IPCEF1: variants seen among roughly 807,000 people sequenced by gnomAD.
IPCEF1 encodes interactor protein for cytohesin exchange factors 1.
Under a neutral mutation model 50.9 loss-of-function variants are expected in IPCEF1, and 31 were observed. The ratio of observed to expected loss-of-function variants is 0.61; its 90% CI spans 0.46 to 0.82. The LOEUF is 0.82. Ranked by LOEUF, IPCEF1 falls within the 40% of genes least tolerant of loss-of-function variation. The pLI is 0.00. For missense variants in IPCEF1, 458 were observed against 514.0 expected, an observed-to-expected ratio of 0.89 and a Z score of 1.05; for synonymous variants, 181 against 192.0, an observed-to-expected ratio of 0.94 and a Z score of 0.47.
chr6:154,248,338 T>TGTGTGTGTGTAG (rs1554298775), intron 3 of IPCEF1, among the ~76,000 whole-genome samples: 1 of 148,994 alleles, frequency 6.7e-6, no homozygotes, highest in Non-Finnish European at 1.5e-5. Flanking sequence ...TGTGTGTGTG[T>TGTGTGTGTGTAG]AGAGAGAGAG....
chr6:154,339,763 T>A (rs1471408272), intron 1 of IPCEF1, among the ~76,000 whole-genome samples: 3 of 152,038 alleles, frequency 2.0e-5, no homozygotes, highest in Non-Finnish European at 4.4e-5. Flanking sequence ...CAGCTAATTT[T>A]AAAAAATATT....
chr6:154,235,055 A>G (rs1180117332), intron 5 of IPCEF1, among the ~76,000 whole-genome samples: 5 of 152,256 alleles, frequency 3.3e-5, no homozygotes, highest in Admixed American at 3.3e-4. Flanking sequence ...CATATGAAGG[A>G]AAGCTTTTAA....
Position 154,265,964 on chromosome 6 carries a change from G to A in IPCEF1, c.-17C>T, listed in dbSNP as rs1277505900. The A allele has an allele frequency of 6.3e-7, 1 of 1,583,842 alleles. No individual in the cohort carries two copies. Among genetic ancestry groups the A allele is most frequent in the Non-Finnish European group, 8.6e-7 (1 of 1,159,590 alleles). ...TGATGTCATCTTAGTAGAAACAAAA[G>A]CTAGAAGAGAAAAAATGTTTTCAGT... On this transcript the variant is annotated splice_region_variant and 5_prime_UTR_variant, in exon 3 of 12. Transcript: ENST00000367220.
intron 10 of IPCEF1, among the ~76,000 whole-genome samples, chr6:154,175,909 T>C (rs1314494216): frequency 3.3e-5 from 5 of 152,174 alleles, no homozygotes; most frequent in Admixed American, 6.5e-5. Flanking sequence ...TGAACATTGA[T>C]GTAAAAATCC....
intron 5 of IPCEF1, among the ~76,000 whole-genome samples, chr6:154,225,392 A>C (rs1949691230): frequency 6.6e-6 from 1 of 152,254 alleles, no homozygotes; most frequent in Non-Finnish European, 1.5e-5. Context: ...GTATCTATAC[A>C]ATGGGATATT....
intron 3 of IPCEF1, among the ~76,000 whole-genome samples, chr6:154,251,309 G>A (rs1334983671): frequency 2.0e-5 from 3 of 152,172 alleles, no homozygotes; most frequent in African/African-American, 7.2e-5. Flanking sequence ...CAGTGATTTG[G>A]GAGGCCGGGG....
chr6:154,181,470 T>C (rs1027962267), intron 10 of IPCEF1, among the ~76,000 whole-genome samples: 10 of 152,256 alleles, frequency 6.6e-5, no homozygotes, highest in Non-Finnish European at 1.5e-4. Context: ...TCTTAAATAC[T>C]ATGCTTTAAA....
chr6:154,188,845 A>G (rs1801612712), intron 10 of IPCEF1, among the ~76,000 whole-genome samples: 1 of 152,232 alleles, frequency 6.6e-6, no homozygotes, highest in Non-Finnish European at 1.5e-5. Flanking sequence ...CATTCATGGA[A>G]CACATCAAAA....
At chr6:154,235,331 G>C (rs1265677501) in intron 5 of IPCEF1, among the ~76,000 whole-genome samples, 1 of 152,110 alleles carries the variant, frequency 6.6e-6, no homozygotes, top group Non-Finnish European at 1.5e-5. Context: ...AGGAGTTTGA[G>C]ACCAGCCTGG....
intron 1 of IPCEF1, among the ~76,000 whole-genome samples, chr6:154,355,423 C>T (rs1258727736): frequency 3.9e-5 from 6 of 152,124 alleles, no homozygotes; most frequent in African/African-American, 1.4e-4. Flanking sequence ...CCCTTTTCTT[C>T]CTTGCTTGCA....
chr6:154,337,563 A>C lies in IPCEF1; in HGVS notation c.-62+19109T>G, dbSNP rs558059107. Among the ~76,000 whole-genome samples the C allele has an allele frequency of 1.4e-4, 21 of 152,368 alleles. No individual in the cohort carries two copies. In the East Asian group the frequency reaches 3.9e-3, roughly 28 times the overall value. On this transcript the variant is annotated intron_variant, in intron 1 of 11. Transcript: ENST00000367220. ...AGGGTAGGCAAAGAGGCCAGGCCTC[A>C]GCAGCTGAATTAGCCAATGTATGTG...
intron 2 of IPCEF1, among the ~76,000 whole-genome samples, chr6:154,270,072 T>A (rs987949600): frequency 2.0e-5 from 3 of 152,178 alleles, no homozygotes; most frequent in Admixed American, 1.3e-4. Context: ...AAAGTGCCTA[T>A]ACATAAGAAT....
intron 11 of IPCEF1, among the ~76,000 whole-genome samples, chr6:154,162,930 C>T (rs901959043): frequency 4.6e-5 from 7 of 152,184 alleles, no homozygotes; most frequent in African/African-American, 7.2e-5. Context: ...ACTTCCAATG[C>T]ACACCAAACC....
At chr6:154,247,153 C>T (rs114092285) in intron 4 of IPCEF1, 272 of 428,884 alleles carry the variant, frequency 6.3e-4, no homozygotes, top group African/African-American at 4.9e-3. Flanking sequence ...CAATAACAGC[C>T]GTAGTTATGC....
chr6:154,246,448 A>T lies in IPCEF1; in HGVS notation c.246+143T>A, dbSNP rs1226550805. The stretch of plus-strand genomic sequence containing the variant: ...ATAACCTACATATCTACTGCACCAG[A>T]AATGGCTTCTATAACTTATTTGTTT... On this transcript the variant is annotated intron_variant, in intron 5 of 11. Coordinates refer to ENST00000367220, the MANE Select transcript of IPCEF1 (RefSeq NM_001130700.2). 4 of 939,452 alleles carry T rather than the reference A, an allele frequency of 4.3e-6. No homozygotes were observed. In the Admixed American group the frequency reaches 7.4e-5, roughly 17 times the overall value. 58.2% of individuals were successfully genotyped at this position (939,452 alleles called of 1,614,324 possible).
intron 1 of IPCEF1, among the ~76,000 whole-genome samples, chr6:154,343,107 C>A (rs896940654): frequency 6.6e-6 from 1 of 152,070 alleles, no homozygotes; most frequent in African/African-American, 2.4e-5. Flanking sequence ...AAGAGCCAGA[C>A]GCTATAAAAG....
At chr6:154,327,245 CA>C (rs1783544465) in intron 1 of IPCEF1, among the ~76,000 whole-genome samples, 1 of 152,032 alleles carries the variant, frequency 6.6e-6, no homozygotes, top group Non-Finnish European at 1.5e-5. Context: ...AGCTTCTGCA[CA>C]CCAAAAGAAA....
rs1419250192 is a variant in IPCEF1 at position 154,222,557 on chromosome 6, T to C, written c.320+613A>G. ...GAGCACTTGAATGAGAGTCTATAGA[T>C]ACCTGGGTTTACAGCCAGCCCGCTC... is the stretch of plus-strand genomic sequence containing the variant. On this transcript the variant is annotated intron_variant, in intron 6 of 11. Coordinates refer to ENST00000367220, the MANE Select transcript of IPCEF1 (RefSeq NM_001130700.2). 3.3e-5 allele frequency among the ~76,000 whole-genome samples: 5 copies of C among 152,316 alleles called. No individual in the cohort carries two copies. In the East Asian group the frequency reaches 7.7e-4, roughly 23 times the overall value.
At chr6:154,221,203 T>C (rs1778836072) in intron 7 of IPCEF1, 54 bp downstream of exon 7, 1 of 1,299,618 alleles carries the variant, frequency 7.7e-7, no homozygotes, top group African/African-American at 1.5e-5. Context: ...AGTACCAGGC[T>C]AAAGTTAAGT....
Sources: gnomAD v4.1 joint callset for allele counts (sites outside exome capture counted in the v4.1 genomes callset) on GRCh38, gnomAD v4.1.1 for gene constraint, MANE v1.5 for transcripts, NCBI Gene and HGNC (gene_info 2026-07-23, HGNC 2026-07-21) for gene names.